The following OCLN variants were observed in gnomAD, a reference collection of about 807,000 sequenced individuals.
The protein encoded by OCLN is occludin.
OCLN carries 21 observed loss-of-function variants against 47.9 expected under a neutral mutation model. That is an observed-to-expected ratio of 0.44 (90% CI 0.31 to 0.63). The LOEUF (loss-of-function observed/expected upper bound fraction) is 0.63, where lower values mean the gene tolerates loss of function less well. OCLN is among the 30% of genes least tolerant of loss of function. The pLI, the probability that OCLN is intolerant of heterozygous loss-of-function variation, is 0.08. For missense variants in OCLN, 360 were observed against 571.0 expected (o/e 0.63, Z 3.77); for synonymous variants, 117 against 198.4 (o/e 0.59, Z 3.45).
At chr5:69,517,871 T>A (rs77453316) in intron 4 of OCLN, among the ~76,000 whole-genome samples, 5 of 152,212 alleles carry the variant, frequency 3.3e-5, no homozygotes, top group Non-Finnish European at 7.3e-5. Flanking sequence ...AGGCCACTTG[T>A]AGCTGGAATA....
intron 4 of OCLN, among the ~76,000 whole-genome samples, chr5:69,515,615 G>A (rs1441444326): frequency 1.3e-5 from 2 of 151,438 alleles, no homozygotes; most frequent in African/African-American, 4.9e-5. Context: ...CCCGGACGGG[G>A]CGGCTGGCCG....
At chr5:69,504,523 C>T (rs928990907) in intron 2 of OCLN, among the ~76,000 whole-genome samples, 1 of 152,204 alleles carries the variant, frequency 6.6e-6, no homozygotes, top group Non-Finnish European at 1.5e-5. Context: ...ATGTTTGTTT[C>T]AAGAGATTGC....
At chr5:69,505,443 G>C (rs533029826) in intron 2 of OCLN, among the ~76,000 whole-genome samples, 1 of 152,246 alleles carries the variant, frequency 6.6e-6, no homozygotes, top group East Asian at 1.9e-4. Flanking sequence ...TCACCTCCCA[G>C]TTCCATCAGC....
intron 7 of OCLN, among the ~76,000 whole-genome samples, chr5:69,549,931 CA>C (rs960535882): frequency 4.7e-5 from 7 of 149,802 alleles, no homozygotes; most frequent in Non-Finnish European, 1.0e-4. Context: ...AAAAAACAAA[CA>C]AAAAAACTTC....
intron 4 of OCLN, among the ~76,000 whole-genome samples, chr5:69,514,970 C>T (rs574967031): frequency 6.6e-5 from 10 of 152,222 alleles, no homozygotes; most frequent in Non-Finnish European, 1.2e-4. Flanking sequence ...ATCCTTTCCC[C>T]GCCTTTCCCC....
chr5:69,494,654 G>C (rs1768242700), intron 1 of OCLN, among the ~76,000 whole-genome samples: 1 of 152,210 alleles, frequency 6.6e-6, no homozygotes. Context: ...AGGGAGATCG[G>C]TAAGACATGA....
At chr5:69,548,316 T>G (rs1238352124) in intron 7 of OCLN, among the ~76,000 whole-genome samples, 4 of 139,454 alleles carry the variant, frequency 2.9e-5, no homozygotes, top group Non-Finnish European at 6.3e-5. Context: ...CACTATTCTG[T>G]TTTTTTTTTT....
intron 3 of OCLN, among the ~76,000 whole-genome samples, chr5:69,512,726 A>G (rs1768821389): frequency 6.6e-6 from 1 of 152,198 alleles, no homozygotes; most frequent in Admixed American, 6.5e-5. Flanking sequence ...TTCTTTTAAT[A>G]GTGTTTTATA....
At position 69,509,743 on chromosome 5, in the gene OCLN, A is replaced by G; in HGVS notation, c.653A>G (p.Gln218Arg). The G allele has an allele frequency of 6.2e-7, 1 of 1,614,036 alleles. No homozygotes were observed. Among genetic ancestry groups the G allele is most frequent in the South Asian group, 1.1e-5 (1 of 91,070 alleles). ...TCACAAATATATGCCCTCTGCAACC[A>G]ATTTTATACACCTGCAGCTACTGGA... is the stretch of plus-strand genomic sequence containing the variant. Reference protein sequence around the residue: ...YGSQIYALCNQFYTPAATGLY... With the variant: ...YGSQIYALCNRFYTPAATGLY... The change falls in exon 3 of 9, where the codon CAA becomes CGA. Residue 218 changes from glutamine to arginine, a missense_variant. Around this residue, in one of 3 missense-constraint regions of OCLN, gnomAD observed 314 missense variants for 368.1 expected, o/e 0.85. Transcript: ENST00000396442.
chr5:69,505,087 C>T (rs1173165753), intron 2 of OCLN, among the ~76,000 whole-genome samples: 1 of 151,984 alleles, frequency 6.6e-6, no homozygotes, highest in Non-Finnish European at 1.5e-5. Flanking sequence ...CCCATCTCTA[C>T]TGAAAATACA....
chr5:69,516,382 A>G (rs934750813), intron 4 of OCLN, among the ~76,000 whole-genome samples: 3 of 152,290 alleles, frequency 2.0e-5, no homozygotes, highest in East Asian at 3.9e-4. Flanking sequence ...CTGCAATCGC[A>G]GGCACTCGGC....
chr5:69,523,338 T>C (rs573450750), intron 4 of OCLN, among the ~76,000 whole-genome samples: 5 of 152,266 alleles, frequency 3.3e-5, no homozygotes, highest in African/African-American at 1.2e-4. Flanking sequence ...TAAGCCATTT[T>C]CTAACAGTAT....
intron 4 of OCLN, among the ~76,000 whole-genome samples, chr5:69,532,976 T>A (rs71576926): frequency 0.81 from 119,866 of 148,082 alleles, 48,656 homozygotes; most frequent in African/African-American, 0.91. Flanking sequence ...TCAAAAAAAA[T>A]ATATATATAT....
At chr5:69,525,306 A>G (rs1447784794) in intron 4 of OCLN, among the ~76,000 whole-genome samples, 2 of 151,682 alleles carry the variant, frequency 1.3e-5, no homozygotes, top group Non-Finnish European at 2.9e-5. Context: ...GGGTTTCGCC[A>G]TGTTAGCCAG....
At chr5:69,503,806 A>T (rs1340555766) in intron 1 of OCLN, among the ~76,000 whole-genome samples, 1 of 152,194 alleles carries the variant, frequency 6.6e-6, no homozygotes, top group Admixed American at 6.5e-5. Context: ...CATTTAACCC[A>T]TTAGATGGTT....
At position 69,493,660 on chromosome 5, in the gene OCLN, G is replaced by A. The variant is rs1425696230; in HGVS notation, c.-69+760G>A. On this transcript the variant is annotated intron_variant, in intron 1 of 8. Transcript: ENST00000396442. The surrounding 1 kb of genome is among the most constrained non-coding windows in gnomAD (Gnocchi z 5.3). ...GCGGAACTGCCTCCGGGCGGTGCCT[G>A]CCCGGCGAACGTGGGCGCGCGCTGC... 6.6e-6 allele frequency among the ~76,000 whole-genome samples: 1 copy of A among 152,146 alleles called. No homozygotes were observed. The highest frequency in any genetic ancestry group is 1.5e-5 in the Non-Finnish European group (1 of 68,004).
At chr5:69,531,352 A>C (rs1769427773) in intron 4 of OCLN, among the ~76,000 whole-genome samples, 1 of 152,232 alleles carries the variant, frequency 6.6e-6, no homozygotes, top group Admixed American at 6.5e-5. Flanking sequence ...ATTAAGGAAT[A>C]GCTGGCAAAA....
At chr5:69,515,517 G>A (rs1268797402) in intron 4 of OCLN, among the ~76,000 whole-genome samples, 2 of 143,738 alleles carry the variant, frequency 1.4e-5, no homozygotes, top group African/African-American at 2.6e-5. Flanking sequence ...CGGACGGGGC[G>A]GCTGGCCGGG....
rs1478516829 is a variant in OCLN, at chr5:69,496,291, G to T, written c.-69+3391G>T. Among the ~76,000 whole-genome samples, 4 of 151,992 alleles carry T rather than the reference G, an allele frequency of 2.6e-5. No homozygotes were observed. In the East Asian group the frequency reaches 5.8e-4, roughly 22 times the overall value. On this transcript the variant is annotated intron_variant, in intron 1 of 8. Coordinates refer to ENST00000396442, the MANE Select transcript of OCLN (RefSeq NM_001205254.2). Reference sequence around the variant, plus strand: ...TTTTTTGTATTTTTAATAGAGGCGGGGTTTCACTGTGTTAGCGGGGATGGT... The same window carrying T: ...TTTTTTGTATTTTTAATAGAGGCGGTGTTTCACTGTGTTAGCGGGGATGGT...
Sources: gnomAD v4.1 joint callset for allele counts (sites outside exome capture counted in the v4.1 genomes callset) on GRCh38, gnomAD v4.1.1 for gene constraint, gnomAD v4.1.1 regional missense constraint, Gnocchi (gnomAD v3.1) non-coding constraint, MANE v1.5 for transcripts, NCBI Gene and HGNC (gene_info 2026-07-23, HGNC 2026-07-21) for gene names.